The following AKAP13 variants were observed in gnomAD, a reference collection of about 807,000 sequenced individuals.
The protein encoded by AKAP13 is A-kinase anchoring protein 13.
A neutral mutation model predicts 264.5 loss-of-function variants in AKAP13; 80 were observed. The observed-to-expected ratio is 0.30, with a 90% confidence interval of 0.25 to 0.36. The LOEUF is 0.36. Among genes scored for constraint, AKAP13 ranks in the 10% least tolerant of loss-of-function variants. The probability of loss-of-function intolerance (pLI) is 1.00; values close to 1 mark genes in which losing one functional copy is unlikely to be tolerated. For missense variants in AKAP13, 3,712 were observed against 3,435.2 expected (o/e 1.08, Z -2.01); for synonymous variants, 1,380 against 1,250.2 (o/e 1.10, Z -2.19).
chr15:85,592,728 A>T (rs2079637288), intron 8 of AKAP13, among the ~76,000 whole-genome samples: 1 of 152,194 alleles, frequency 6.6e-6, no homozygotes, highest in Admixed American at 6.5e-5. Flanking sequence ...CTCCTCTGAA[A>T]TGGAGAGTTT....
intron 14 of AKAP13, among the ~76,000 whole-genome samples, chr15:85,678,689 A>G (rs1387747283): frequency 2.0e-5 from 3 of 151,738 alleles, no homozygotes; most frequent in East Asian, 3.9e-4. Context: ...TGACGAAACC[A>G]TGTCTCTACT....
intron 5 of AKAP13, among the ~76,000 whole-genome samples, chr15:85,554,483 C>T (rs546873460): frequency 2.0e-5 from 3 of 152,278 alleles, no homozygotes; most frequent in Admixed American, 1.3e-4. Flanking sequence ...GTGGGGAAAC[C>T]AAGCCCCATT....
intron 1 of AKAP13, among the ~76,000 whole-genome samples, chr15:85,416,994 G>A (rs1184723857): frequency 3.3e-5 from 5 of 152,172 alleles, no homozygotes; most frequent in African/African-American, 1.2e-4. Flanking sequence ...GCTTCAAAAT[G>A]AAATACGGGA....
rs916977008 is a variant in AKAP13, at chr15:85,579,879, A to G, written c.1811A>G (p.Tyr604Cys). 1.1e-5 allele frequency: 18 copies of G among 1,614,174 alleles called. No homozygotes were observed. Among genetic ancestry groups the G allele is most frequent in the South Asian group, 9.9e-5 (9 of 91,088 alleles). Residue 604 changes from tyrosine to cysteine, a missense_variant, in exon 7 of 37, where the codon TAT becomes TGT. By Grantham distance (194) the Tyr-to-Cys change is radical. Transcript: ENST00000394518. ...KDKISDGLEP[Y>C]TLLAAGIGEA... ...AAGATTTCAGATGGATTAGAACCTT[A>G]TACTCTCTTAGCAGCAGGCATAGGT... is the stretch of plus-strand genomic sequence containing the variant.
At chr15:85,548,902 C>CT (rs72092593) in intron 5 of AKAP13, among the ~76,000 whole-genome samples, 4,991 of 123,276 alleles carry the variant, frequency 0.04, 205 homozygotes, top group African/African-American at 0.1. Context: ...ACCTCAGTGC[C>CT]TTTTTTTTTT....
At chr15:85,458,257 C>G (rs140836630) in intron 1 of AKAP13, among the ~76,000 whole-genome samples, 324 of 151,630 alleles carry the variant, frequency 2.1e-3, no homozygotes, top group Non-Finnish European at 4.1e-3. Flanking sequence ...ATATGTAGAC[C>G]TTAACTTATG....
chr15:85,594,698 A>G (rs1486384550), intron 8 of AKAP13, among the ~76,000 whole-genome samples: 2 of 152,220 alleles, frequency 1.3e-5, no homozygotes, highest in Non-Finnish European at 2.9e-5. Flanking sequence ...GAAAGTTTCC[A>G]TAGTAGAAAA....
intron 5 of AKAP13, among the ~76,000 whole-genome samples, chr15:85,546,321 A>AACACACACACAC (rs60271542): frequency 0.038 from 5,516 of 145,090 alleles, 131 homozygotes; most frequent in Middle Eastern, 0.067. Context: ...GTTGTTACCA[A>AACACACACACAC]ACACACACAC....
At chr15:85,410,843 T>A (rs111764872) in intron 1 of AKAP13, among the ~76,000 whole-genome samples, 2 of 151,882 alleles carry the variant, frequency 1.3e-5, no homozygotes, top group African/African-American at 4.9e-5. Flanking sequence ...TGCTGTTTCA[T>A]TGGGCAATTG....
At chr15:85,722,740 G>A (rs543511161) in intron 25 of AKAP13, among the ~76,000 whole-genome samples, 77 of 151,648 alleles carry the variant, frequency 5.1e-4, no homozygotes, top group African/African-American at 1.8e-3. Flanking sequence ...TTACAAGGCA[G>A]TACATTAAAA....
At chr15:85,536,105 T>C (rs2077389749) in intron 4 of AKAP13, 1 of 152,192 alleles carries the variant, frequency 6.6e-6, no homozygotes, top group African/African-American at 2.4e-5. Context: ...CCCGGCCACT[T>C]CCTCTCTTTG....
chr15:85,692,871 C>T (rs1256543969), intron 16 of AKAP13, among the ~76,000 whole-genome samples: 1 of 152,140 alleles, frequency 6.6e-6, no homozygotes, highest in Non-Finnish European at 1.5e-5. Context: ...AGAATTGCTG[C>T]CACCCTTTTT....
chr15:85,477,282 A>G (rs1031815665), intron 1 of AKAP13, among the ~76,000 whole-genome samples: 1 of 151,870 alleles, frequency 6.6e-6, no homozygotes. Context: ...CTGGTGCTCA[A>G]GTCTACAAGC....
intron 8 of AKAP13, among the ~76,000 whole-genome samples, chr15:85,620,691 C>G (rs910533361): frequency 1.3e-5 from 2 of 152,144 alleles, no homozygotes; most frequent in Admixed American, 6.5e-5. Context: ...TTCCAATAAA[C>G]CTATCTATTA....
At chr15:85,736,713 G>A (rs563456546) in intron 33 of AKAP13, among the ~76,000 whole-genome samples, 1 of 152,136 alleles carries the variant, frequency 6.6e-6, no homozygotes, top group Non-Finnish European at 1.5e-5. Context: ...TGCTTTTAAT[G>A]AGCTTTCTCT....
At position 85,717,286 on chromosome 15, in the gene AKAP13, C is replaced by G. The variant is rs950968992; in HGVS notation, c.5736-4C>G. Reference sequence around the variant, plus strand: ...GACAGTATGTATTTTTCTTTTGTCCCCAGAGTTGGCAATGATGAGAACATG... The same window carrying G: ...GACAGTATGTATTTTTCTTTTGTCCGCAGAGTTGGCAATGATGAGAACATG... On this transcript the variant is annotated splice_region_variant and splice_polypyrimidine_tract_variant and intron_variant, in intron 20 of 36. Coordinates refer to ENST00000394518, the MANE Select transcript of AKAP13 (RefSeq NM_007200.5). 3 of 1,595,474 alleles carry G rather than the reference C, an allele frequency of 1.9e-6. No homozygotes were observed. The highest frequency in any genetic ancestry group is 3.6e-5 in the Admixed American group (2 of 56,318).
intron 29 of AKAP13, among the ~76,000 whole-genome samples, chr15:85,728,734 T>C (rs1219944447): frequency 6.6e-6 from 1 of 152,080 alleles, no homozygotes; most frequent in Non-Finnish European, 1.5e-5. Flanking sequence ...ACTTGACATG[T>C]CTGCCAAGGA....
chr15:85,407,785 CA>C (rs1410215108), intron 1 of AKAP13, among the ~76,000 whole-genome samples: 1 of 151,614 alleles, frequency 6.6e-6, no homozygotes, highest in East Asian at 1.9e-4. Context: ...CCTCTTGAAG[CA>C]AAAGGGAGGA....
At chr15:85,572,993 A>G (rs1013262789) in intron 5 of AKAP13, among the ~76,000 whole-genome samples, 1 of 152,246 alleles carries the variant, frequency 6.6e-6, no homozygotes, top group Non-Finnish European at 1.5e-5. Flanking sequence ...TACAAAGGAC[A>G]TGAACTCATC....
Sources: gnomAD v4.1 joint callset for allele counts (sites outside exome capture counted in the v4.1 genomes callset) on GRCh38, gnomAD v4.1.1 for gene constraint, MANE v1.5 for transcripts, NCBI Gene and HGNC (gene_info 2026-07-23, HGNC 2026-07-21) for gene names.